KRT36: variants seen among roughly 807,000 people sequenced by gnomAD.
The protein encoded by KRT36 is keratin, type I cuticular Ha6.
In KRT36, 41 loss-of-function variants were observed where a neutral mutation model predicts 43.0. That is an observed-to-expected ratio of 0.95 (90% confidence interval 0.74 to 1.24). KRT36 has a LOEUF of 1.24. Among genes scored for constraint, KRT36 ranks in the 50% most tolerant of loss-of-function variants. The pLI is 0.00. For missense variants in KRT36, 627 were observed against 595.3 expected, an observed-to-expected ratio of 1.05 and a Z score of -0.55; for synonymous variants, 277 against 252.9, an observed-to-expected ratio of 1.10 and a Z score of -0.90.
Position 41,487,647 on chromosome 17 carries a change from C to A in KRT36, c.790G>T (p.Asp264Tyr), listed in dbSNP as rs1904443142. 6.2e-7 allele frequency: 1 copy of A among 1,614,204 alleles called. No homozygotes were observed. ...PPVDLNKILE[D>Y]MRCQYEALVE... ...AGGGCCTCGTACTGGCATCTCATAT[C>A]CTCCAGGATCTTGTTGAGATCCACT... Residue 264 changes from aspartate (D) to tyrosine (Y), a missense_variant, in exon 4 of 7, where the codon GAT becomes TAT. Physicochemically the swap from Asp to Tyr is radical, Grantham distance 160. Coordinates refer to ENST00000328119, the MANE Select transcript of KRT36 (RefSeq NM_003771.5).
chr17:41,487,660 G>T lies in KRT36; in HGVS notation c.777C>A (p.Asn259Lys), dbSNP rs1307090462. The T allele has an allele frequency of 6.2e-7, 1 of 1,614,032 alleles. No individual in the cohort carries two copies. Among genetic ancestry groups the T allele is most frequent in the South Asian group, 1.1e-5 (1 of 91,092 alleles). The change falls in exon 4 of 7, where the codon AAC (asparagine) becomes AAA (lysine). Residue 259 changes from asparagine (N) to lysine (K), a missense_variant. Coordinates refer to ENST00000328119, the MANE Select transcript of KRT36 (RefSeq NM_003771.5). ...GGCATCTCATATCCTCCAGGATCTT[G>T]TTGAGATCCACTGGGGGAGCAGCGT... ...EVDAAPPVDLNKILEDMRCQY... is the reference protein window; with the variant it reads ...EVDAAPPVDLKKILEDMRCQY...
At chr17:41,489,310 T>TA (rs1344610371) in intron 1 of KRT36, 96 bp downstream of exon 1, 1 of 1,364,800 alleles carries the variant, frequency 7.3e-7, no homozygotes, top group Admixed American at 2.2e-5. Context: ...GAGAATTCCC[T>TA]AAAAGCTACC....
At position 41,486,268 on chromosome 17, in the gene KRT36, C is replaced by T. The variant is rs914763707; in HGVS notation, c.*108G>A. The T allele has an allele frequency of 1.1e-5, 9 of 843,930 alleles. No individual in the cohort carries two copies. The highest frequency in any genetic ancestry group is 1.0e-4 in the African/African-American group (6 of 58,358). 52.3% of individuals were successfully genotyped at this position (843,930 alleles called of 1,614,324 possible). ...TGTTTTGGTAGAAAAACCTGCTAAG[C>T]GTAGGGGGACCCCTCTAGAGAAGGG... On this transcript the variant is annotated 3_prime_UTR_variant, in exon 7 of 7. Coordinates refer to ENST00000328119, the MANE Select transcript of KRT36 (RefSeq NM_003771.5).
Position 41,488,364 on chromosome 17 carries a change from T to C in KRT36, c.578A>G (p.Glu193Gly). The change falls in exon 3 of 7, where the codon GAG becomes GGG. Residue 193 changes from glutamate to glycine, a missense_variant. Physicochemically the swap from Glu to Gly is moderately conservative, Grantham distance 98 (BLOSUM62 -2). Transcript: ENST00000328119. ...ETELSLRQLV[E>G]ADINGLRRIL... Reference sequence around the variant, plus strand: ...CCTACGCAGGCCGTTGATGTCGGCCTCCACTAGCTGCCGCAGAGACAGCTC... The same window carrying C: ...CCTACGCAGGCCGTTGATGTCGGCCCCCACTAGCTGCCGCAGAGACAGCTC... 2 of 1,614,146 alleles carry C rather than the reference T, an allele frequency of 1.2e-6. No homozygotes were observed. The highest frequency in any genetic ancestry group is 1.7e-6 in the Non-Finnish European group (2 of 1,180,008).
At position 41,487,710 on chromosome 17, in the gene KRT36, C is replaced by G. The variant is rs1904445845; in HGVS notation, c.727G>C (p.Gly243Arg). The G allele has an allele frequency of 6.2e-7, 1 of 1,613,684 alleles. No homozygotes were observed. The highest frequency in any genetic ancestry group is 1.3e-5 in the African/African-American group (1 of 75,038). Residue 243 changes from glycine to arginine, a missense_variant, in exon 4 of 7, where the codon GGG becomes CGG. Coordinates refer to ENST00000328119, the MANE Select transcript of KRT36 (RefSeq NM_003771.5). ...EEVSVLRCQL[G>R]DRLNVEVDAA... is the part of the protein sequence containing the mutation. ...TCCACCTCCACATTCAGTCGGTCCC[C>G]AAGTTGGCAACGGAGTACACTGACT...
In KRT36 at chr17:41,487,625, G is replaced by A. The variant is rs1177411898; in HGVS notation, c.812C>T (p.Ala271Val). 1 of 1,614,054 alleles carries A rather than the reference G, an allele frequency of 6.2e-7. No individual in the cohort carries two copies. Among genetic ancestry groups the A allele is most frequent in the Non-Finnish European group, 8.5e-7 (1 of 1,180,016 alleles). The change falls in exon 4 of 7, where the codon GCC becomes GTC. Residue 271 changes from alanine to valine, a missense_variant. Coordinates refer to ENST00000328119, the MANE Select transcript of KRT36 (RefSeq NM_003771.5). ...ILEDMRCQYE[A>V]LVENNRRDVE... ...ATCTCTGCGGTTATTCTCCACCAGGGCCTCGTACTGGCATCTCATATCCTC... is the reference window on the plus strand; with the variant it reads ...ATCTCTGCGGTTATTCTCCACCAGGACCTCGTACTGGCATCTCATATCCTC...
At position 41,487,651 on chromosome 17, in the gene KRT36, C is replaced by T; in HGVS notation, c.786G>A (p.Leu262=). 1 of 1,614,208 alleles carries T rather than the reference C, an allele frequency of 6.2e-7. No individual in the cohort carries two copies. ...CCTCGTACTGGCATCTCATATCCTC[C>T]AGGATCTTGTTGAGATCCACTGGGG... ...AAPPVDLNKI[L]EDMRCQYEAL... Residue 262 remains leucine (L), a synonymous_variant, in exon 4 of 7, where the codon CTG becomes CTA. Transcript: ENST00000328119.
chr17:41,487,989 A>G (rs1220359560), intron 3 of KRT36, among the ~76,000 whole-genome samples: 1 of 152,218 alleles, frequency 6.6e-6, no homozygotes, highest in African/African-American at 2.4e-5. Flanking sequence ...ATAGACATGT[A>G]GTGTTATGGG....
intron 3 of KRT36, 76 bp from the exon 4 acceptor site, chr17:41,487,813 A>C: frequency 7.0e-7 from 1 of 1,424,732 alleles, no homozygotes; most frequent in Non-Finnish European, 9.7e-7. Context: ...CTGAATTCAA[A>C]CCCTCTTCCC....
In KRT36 at chr17:41,489,477, C is replaced by T. The variant is rs771070046; in HGVS notation, c.388G>A (p.Glu130Lys). The change falls in exon 1 of 7, where the codon GAG becomes AAG. Residue 130 changes from glutamate to lysine, a missense_variant. Coordinates refer to ENST00000328119, the MANE Select transcript of KRT36 (RefSeq NM_003771.5). ...ELESRIQEWY[E>K]FQIPYICPDY... ...GGGCAGATGTATGGGATCTGAAACT[C>T]GTACCACTCCTGGATGCGGCTCTCC... The T allele has an allele frequency of 6.8e-6, 11 of 1,614,242 alleles. No individual in the cohort carries two copies. In the South Asian group the frequency reaches 7.7e-5, roughly 11 times the overall value.
rs1178259330 is a variant in KRT36, at chr17:41,486,475, C to T, written c.1305G>A (p.Pro435=). Residue 435 remains proline (P), a synonymous_variant, in exon 7 of 7, where the codon CCG becomes CCA. Coordinates refer to ENST00000328119, the MANE Select transcript of KRT36 (RefSeq NM_003771.5). ...VPCVPSVPCT[P]APQVGTQIRT... The stretch of plus-strand genomic sequence containing the variant: ...GGATCTGAGTGCCAACCTGGGGAGC[C>T]GGGGTGCAGGGCACAGAGGGGACAC... The T allele has an allele frequency of 6.2e-6, 10 of 1,613,854 alleles. No individual in the cohort carries two copies. The highest frequency in any genetic ancestry group is 7.6e-6 in the Non-Finnish European group (9 of 1,179,922).
Position 41,488,286 on chromosome 17 carries a change from G to A in KRT36, c.656C>T (p.Ser219Phe), listed in dbSNP as rs372983210. ...GAGGCACATCAGCTCCTCCTTCAGGGACTCCACCTGAGCCTCCAGGTCAGC... is the reference window on the plus strand; with the variant it reads ...GAGGCACATCAGCTCCTCCTTCAGGAACTCCACCTGAGCCTCCAGGTCAGC... Reference protein sequence around the residue: ...CKADLEAQVESLKEELMCLKK... With the variant: ...CKADLEAQVEFLKEELMCLKK... The change falls in exon 3 of 7, where the codon TCC becomes TTC. Residue 219 changes from serine to phenylalanine, a missense_variant. Coordinates refer to ENST00000328119, the MANE Select transcript of KRT36 (RefSeq NM_003771.5). The A allele has an allele frequency of 8.1e-6, 13 of 1,614,038 alleles. No individual in the cohort carries two copies. The African/African-American group carries it at 1.5e-4, about 18-fold the overall frequency.
rs1904406046 is a variant in KRT36 at position 41,487,056 on chromosome 17, C to G, written c.1102G>C (p.Asp368His). 5 of 1,614,222 alleles carry G rather than the reference C, an allele frequency of 3.1e-6. No homozygotes were observed. In the South Asian group the frequency reaches 5.5e-5, roughly 18 times the overall value. ...VEAQLSEIRCDLERQNQEYQV... is the reference protein window; with the variant it reads ...VEAQLSEIRCHLERQNQEYQV... Reference sequence around the variant, plus strand: ...TACTCCTGGTTCTGCCGCTCCAGGTCGCAGCGGATCTCAGACAGCTGGGCC... The same window carrying G: ...TACTCCTGGTTCTGCCGCTCCAGGTGGCAGCGGATCTCAGACAGCTGGGCC... The change falls in exon 6 of 7, where the codon GAC becomes CAC. Residue 368 changes from aspartate to histidine, a missense_variant. Coordinates refer to ENST00000328119, the MANE Select transcript of KRT36 (RefSeq NM_003771.5).
Position 41,488,415 on chromosome 17 carries a change from C to T in KRT36, c.543-16G>A, listed in dbSNP as rs766114774. 1.2e-6 allele frequency: 2 copies of T among 1,609,908 alleles called. No homozygotes were observed. The highest frequency in any genetic ancestry group is 3.3e-5 in the Admixed American group (2 of 59,890). ...TGTCTCATACCTGCACACACAGAAC[C>T]CTGCCAAGTCTGCAGCAAAGGAAAC... On this transcript the variant is annotated splice_polypyrimidine_tract_variant and intron_variant, in intron 2 of 6. Transcript: ENST00000328119.
rs376301027 is a variant in KRT36, at chr17:41,488,343, C to T, written c.599G>A (p.Arg200His). The change falls in exon 3 of 7, where the codon CGT becomes CAT. Residue 200 changes from arginine (R) to histidine (H), a missense_variant. Coordinates refer to ENST00000328119, the MANE Select transcript of KRT36 (RefSeq NM_003771.5). The stretch of plus-strand genomic sequence containing the variant: ...CAGGGTCAGCTCATCCAGGATCCTA[C>T]GCAGGCCGTTGATGTCGGCCTCCAC... ...QLVEADINGL[R>H]RILDELTLCK... 2.5e-5 allele frequency: 40 copies of T among 1,614,156 alleles called. No homozygotes were observed. In the East Asian group the frequency reaches 6.2e-4, roughly 25 times the overall value.
chr17:41,488,504 G>T, intron 2 of KRT36, 105 bp from the exon 3 acceptor site: 4 of 1,516,962 alleles, frequency 2.6e-6, no homozygotes, highest in Non-Finnish European at 3.6e-6. Flanking sequence ...TCAGGAGCAT[G>T]ACACTCCTTT....
intron 5 of KRT36, 71 bp from the exon 6 acceptor site, chr17:41,487,241 G>C (rs937925158): frequency 7.0e-6 from 11 of 1,579,242 alleles, no homozygotes; most frequent in Non-Finnish European, 9.5e-6. Context: ...ACAGCCCTGG[G>C]CATCTGCCTA....
chr17:41,487,054 G>A lies in KRT36; in HGVS notation c.1104C>T (p.Asp368=). The change falls in exon 6 of 7, where the codon GAC becomes GAT. Residue 368 remains aspartate (D), a synonymous_variant. Transcript: ENST00000328119. ...GGTACTCCTGGTTCTGCCGCTCCAG[G>A]TCGCAGCGGATCTCAGACAGCTGGG... ...VEAQLSEIRC[D]LERQNQEYQV... The A allele has an allele frequency of 6.2e-7, 1 of 1,614,218 alleles. No individual in the cohort carries two copies. The highest frequency in any genetic ancestry group is 1.3e-5 in the African/African-American group (1 of 75,066).
In KRT36 at chr17:41,487,441, C is replaced by T. The variant is rs1241495507; in HGVS notation, c.897G>A (p.Ser299=). 2.5e-6 allele frequency: 4 copies of T among 1,614,028 alleles called. No individual in the cohort carries two copies. The highest frequency in any genetic ancestry group is 1.1e-5 in the South Asian group (1 of 91,090). ...EELNQQVVSS[S]EQLQCCQTEI... ...CCGTCTGGCAGCACTGCAGCTGCTC[C>T]GAGCTGGACACCACCTGCTGGTTCA... The change falls in exon 5 of 7, where the codon TCG becomes TCA. Residue 299 remains serine (S), a synonymous_variant. Coordinates refer to ENST00000328119, the MANE Select transcript of KRT36 (RefSeq NM_003771.5).
Sources: gnomAD v4.1 joint callset for allele counts (sites outside exome capture counted in the v4.1 genomes callset) on GRCh38, gnomAD v4.1.1 for gene constraint, MANE v1.5 for transcripts, NCBI Gene and HGNC (gene_info 2026-07-23, HGNC 2026-07-21) for gene names.